Variants in CTNNA2 observed in about 807,000 individuals in gnomAD.
CTNNA2 encodes the protein catenin alpha-2.
Under a neutral mutation model 101.0 loss-of-function variants are expected in CTNNA2, and 42 were observed. That is an observed-to-expected ratio of 0.42 (90% CI 0.32 to 0.54). The LOEUF is 0.54. CTNNA2 is among the 20% of genes least tolerant of loss of function. The pLI is 0.14. For missense variants in CTNNA2, 871 were observed against 1,223.1 expected, an observed-to-expected ratio of 0.71 and a Z score of 4.29; for synonymous variants, 450 against 456.4, an observed-to-expected ratio of 0.99 and a Z score of 0.18.
intron 18 of CTNNA2, among the ~76,000 whole-genome samples, chr2:80,620,105 T>C (rs3770363): frequency 0.21 from 31,585 of 151,656 alleles, 5,277 homozygotes; most frequent in African/African-American, 0.46. Context: ...GTGGTTGACT[T>C]TTTAAGGGAT....
intron 7 of CTNNA2, among the ~76,000 whole-genome samples, chr2:79,929,831 C>T (rs563081100): frequency 1.2e-4 from 19 of 152,078 alleles, no homozygotes; most frequent in Non-Finnish European, 1.9e-4. Flanking sequence ...CAGTTCTTGA[C>T]GGAAAAATTT....
intron 1 of CTNNA2, among the ~76,000 whole-genome samples, chr2:79,569,311 A>G (rs990681736): frequency 1.3e-5 from 2 of 152,032 alleles, no homozygotes; most frequent in African/African-American, 2.4e-5. Flanking sequence ...AGATGAATGA[A>G]CAGGGTCGGC....
chr2:80,383,211 C>T (rs1676677272), intron 7 of CTNNA2, among the ~76,000 whole-genome samples: 1 of 152,150 alleles, frequency 6.6e-6, no homozygotes, highest in African/African-American at 2.4e-5. Context: ...GAATTGTAAC[C>T]TTACACAGGT....
intron 7 of CTNNA2, among the ~76,000 whole-genome samples, chr2:80,181,216 C>T (rs926063496): frequency 3.9e-5 from 6 of 152,154 alleles, no homozygotes; most frequent in African/African-American, 1.4e-4. Context: ...CTAGCAACTG[C>T]CTCAGGGGAG....
intron 2 of CTNNA2, among the ~76,000 whole-genome samples, chr2:79,686,325 C>T (rs1418835133): frequency 6.6e-6 from 1 of 152,150 alleles, no homozygotes; most frequent in Admixed American, 6.5e-5. Context: ...TGAGTTATAG[C>T]TGCCACACTA....
At chr2:79,438,009 C>G (rs1465683688) in intron 4 of CTNNA2, among the ~76,000 whole-genome samples, 1 of 151,992 alleles carries the variant, frequency 6.6e-6, no homozygotes, top group Non-Finnish European at 1.5e-5. Flanking sequence ...CTGTATTGTT[C>G]CTATTGTTAT....
At chr2:80,571,714 TG>T (rs1694621421) in intron 12 of CTNNA2, among the ~76,000 whole-genome samples, 1 of 152,192 alleles carries the variant, frequency 6.6e-6, no homozygotes, top group Non-Finnish European at 1.5e-5. Flanking sequence ...GACTGTCCCC[TG>T]ACTCACATCC....
intron 7 of CTNNA2, among the ~76,000 whole-genome samples, chr2:80,258,902 T>C (rs796890305): frequency 6.6e-6 from 1 of 152,224 alleles, no homozygotes; most frequent in African/African-American, 2.4e-5. Flanking sequence ...AGAGACATGG[T>C]ACCTCTCCTA....
In CTNNA2 at chr2:79,302,563, A is replaced by T. The variant is rs1056514490; in HGVS notation, c.-405-10146A>T. Reference sequence around the variant, plus strand: ...AATATTAGCTGTCTTCTTAATGAAGATTGAGGTATCTTGAGAGGGTTGTCT... The same window carrying T: ...AATATTAGCTGTCTTCTTAATGAAGTTTGAGGTATCTTGAGAGGGTTGTCT... On this transcript the variant is annotated intron_variant, in intron 2 of 21. Transcript: ENST00000466387. Among the ~76,000 whole-genome samples, 14 of 152,186 alleles carry T rather than the reference A, an allele frequency of 9.2e-5. 1 individual carries two copies. The highest frequency in any genetic ancestry group is 8.8e-5 in the Non-Finnish European group (6 of 68,034).
intron 7 of CTNNA2, among the ~76,000 whole-genome samples, chr2:79,990,190 A>T (rs1692068676): frequency 6.6e-6 from 1 of 152,060 alleles, no homozygotes; most frequent in Non-Finnish European, 1.5e-5. Context: ...TCTAGGGAGA[A>T]CTCAGGAAGC....
intron 3 of CTNNA2, among the ~76,000 whole-genome samples, chr2:79,784,328 A>G (rs1218577108): frequency 6.6e-6 from 1 of 151,924 alleles, no homozygotes; most frequent in East Asian, 1.9e-4. Context: ...TCCCCTGGGC[A>G]CAGTTATGAC....
intron 4 of CTNNA2, among the ~76,000 whole-genome samples, chr2:79,500,258 C>T (rs941124498): frequency 6.6e-6 from 1 of 152,166 alleles, no homozygotes; most frequent in East Asian, 1.9e-4. Flanking sequence ...TACTTCACTT[C>T]ATAGCTTTTT....
At chr2:79,683,574 G>T (rs1440853028) in intron 2 of CTNNA2, among the ~76,000 whole-genome samples, 1 of 152,156 alleles carries the variant, frequency 6.6e-6, no homozygotes, top group Non-Finnish European at 1.5e-5. Context: ...TATTTATAAT[G>T]CTTAGAAGAT....
chr2:80,544,840 A>C (rs1389788865), intron 9 of CTNNA2, 142 bp from the exon 10 acceptor site: 1 of 650,466 alleles, frequency 1.5e-6, no homozygotes. Flanking sequence ...AGTTGGTTCT[A>C]CATGAAGGCC....
At chr2:80,144,622 C>T (rs909247589) in intron 7 of CTNNA2, among the ~76,000 whole-genome samples, 1 of 152,136 alleles carries the variant, frequency 6.6e-6, no homozygotes, top group Non-Finnish European at 1.5e-5. Context: ...TCACTCATTT[C>T]AGCTGGTGTC....
intron 18 of CTNNA2, among the ~76,000 whole-genome samples, chr2:80,635,089 A>G (rs751580983): frequency 3.2e-4 from 48 of 152,270 alleles, no homozygotes; most frequent in Non-Finnish European, 6.2e-4. Flanking sequence ...TTTAGATGGA[A>G]GATAGATAAT....
At chr2:80,111,535 T>G (rs1441167860) in intron 7 of CTNNA2, among the ~76,000 whole-genome samples, 2 of 152,130 alleles carry the variant, frequency 1.3e-5, no homozygotes, top group South Asian at 4.1e-4. Context: ...GATGTTGAGG[T>G]AAAATATTTC....
intron 1 of CTNNA2, among the ~76,000 whole-genome samples, chr2:79,537,801 T>G (rs1169696394): frequency 6.6e-6 from 1 of 152,130 alleles, no homozygotes; most frequent in Non-Finnish European, 1.5e-5. Flanking sequence ...TATGCCTTTT[T>G]TTTTTTTTCA....
Position 79,965,441 on chromosome 2 carries a change from G to C in CTNNA2, c.1056+55644G>C, listed in dbSNP as rs145011693. Among the ~76,000 whole-genome samples, 1,162 of 152,120 alleles carry C rather than the reference G, an allele frequency of 7.6e-3. 9 individuals are homozygous for C. The highest frequency in any genetic ancestry group is 0.013 in the Non-Finnish European group (863 of 67,980). ...CTCTACCATAAAAATTTGACATATT[G>C]AACATGACTTTACAGACTTTAGTCT... is the stretch of plus-strand genomic sequence containing the variant. On this transcript the variant is annotated intron_variant, in intron 7 of 18. Transcript: ENST00000402739.
Sources: allele counts gnomAD v4.1 joint callset (sites outside exome capture counted in the v4.1 genomes callset), GRCh38; gene constraint gnomAD v4.1.1; transcripts MANE v1.5; gene names NCBI Gene and HGNC (gene_info 2026-07-23, HGNC 2026-07-21).